GALNT7: variants seen among roughly 807,000 people sequenced by gnomAD.
The protein encoded by GALNT7 is N-acetylgalactosaminyltransferase 7.
In GALNT7, 60 loss-of-function variants were observed where a neutral mutation model predicts 82.1. The ratio of observed to expected loss-of-function variants is 0.73; its 90% confidence interval spans 0.59 to 0.91. The LOEUF (loss-of-function observed/expected upper bound fraction) is 0.91, where lower values mean the gene tolerates loss of function less well. Ranked by LOEUF, GALNT7 falls within the 40% of genes least tolerant of loss-of-function variation. GALNT7 has a pLI of 0.00. For synonymous variants in GALNT7, 243 were observed against 275.1 expected (o/e 0.88, Z 1.15); for missense variants, 660 against 804.2 (o/e 0.82, Z 2.17).
At chr4:173,174,219 A>T (rs557751876) in intron 1 of GALNT7, among the ~76,000 whole-genome samples, 82 of 152,248 alleles carry the variant, frequency 5.4e-4, no homozygotes, top group African/African-American at 1.8e-3. Context: ...TCTGGGGTTT[A>T]TAGACTTCCT....
rs1453954830 is a variant in GALNT7 at position 173,298,107 on chromosome 4, C to T, written c.966-8C>T. 1.9e-6 allele frequency: 3 copies of T among 1,613,344 alleles called. No individual in the cohort carries two copies. Among genetic ancestry groups the T allele is most frequent in the Non-Finnish European group, 2.5e-6 (3 of 1,179,688 alleles). ...CATTTGATCTTTGCTGCCATCAACA[C>T]AATACAGAACCATTTGCACTGTGCC... On this transcript the variant is annotated splice_polypyrimidine_tract_variant and splice_region_variant and intron_variant, in intron 5 of 11. Coordinates refer to ENST00000265000, the MANE Select transcript of GALNT7 (RefSeq NM_017423.3).
At chr4:173,267,575 G>C (rs1735549895) in intron 2 of GALNT7, among the ~76,000 whole-genome samples, 1 of 152,130 alleles carries the variant, frequency 6.6e-6, no homozygotes, top group African/African-American at 2.4e-5. Context: ...AGGACCAGGG[G>C]CCCCTTTGCA....
intron 2 of GALNT7, among the ~76,000 whole-genome samples, chr4:173,256,848 C>A (rs1735056910): frequency 6.6e-6 from 1 of 152,024 alleles, no homozygotes; most frequent in African/African-American, 2.4e-5. Flanking sequence ...GTAAACCAAG[C>A]ATAAACCAAC....
intron 8 of GALNT7, among the ~76,000 whole-genome samples, chr4:173,305,486 C>G (rs748640337): frequency 3.3e-5 from 5 of 152,076 alleles, no homozygotes; most frequent in Non-Finnish European, 5.9e-5. Context: ...GGGGTTGTTA[C>G]ATCCAAAACC....
chr4:173,186,392 A>G (rs772674204), intron 1 of GALNT7, among the ~76,000 whole-genome samples: 1 of 152,188 alleles, frequency 6.6e-6, no homozygotes, highest in Non-Finnish European at 1.5e-5. Flanking sequence ...TCGCTGAGTG[A>G]TTTACTTTCT....
intron 2 of GALNT7, among the ~76,000 whole-genome samples, chr4:173,263,204 G>A (rs977661618): frequency 3.3e-5 from 5 of 152,166 alleles, no homozygotes; most frequent in Admixed American, 1.3e-4. Context: ...TGAAAAAGCC[G>A]CTGCTATAGA....
chr4:173,265,372 C>G (rs1735444999), intron 2 of GALNT7, among the ~76,000 whole-genome samples: 1 of 152,100 alleles, frequency 6.6e-6, no homozygotes, highest in South Asian at 2.1e-4. Flanking sequence ...CATGGTCTTT[C>G]CCCATATCTC....
intron 2 of GALNT7, among the ~76,000 whole-genome samples, chr4:173,291,162 C>T (rs17059272): frequency 0.034 from 5,156 of 152,250 alleles, 173 homozygotes; most frequent in African/African-American, 0.085. Context: ...GTCTTTCTCA[C>T]CCAGTTCTGC....
rs1431759489 is a variant in GALNT7, at chr4:173,302,120, G to C, written c.1222G>C (p.Gly408Arg). The C allele has an allele frequency of 6.3e-7, 1 of 1,588,704 alleles. No homozygotes were observed. The highest frequency in any genetic ancestry group is 1.3e-5 in the African/African-American group (1 of 74,388). ...CTTTGAATTGGGTCTCTATGATCCAGGTCTCCAGATTTGGGGTGGTGAAAA... is the reference window on the plus strand; with the variant it reads ...CTTTGAATTGGGTCTCTATGATCCACGTCTCCAGATTTGGGGTGGTGAAAA... ...FFFELGLYDP[G>R]LQIWGGENFE... The change falls in exon 7 of 12, where the codon GGT becomes CGT. Residue 408 changes from glycine to arginine, a missense_variant. By Grantham distance (125) the Gly-to-Arg change is moderately radical. This residue lies in a region of GALNT7 where 527 missense variants were observed against 683.5 expected (regional missense o/e 0.77). Transcript: ENST00000265000. This position sits in a 1 kb window ranked among gnomAD's most constrained non-coding sequence, Gnocchi z 4.2.
At chr4:173,186,814 A>T (rs1041256605) in intron 1 of GALNT7, among the ~76,000 whole-genome samples, 3 of 151,526 alleles carry the variant, frequency 2.0e-5, no homozygotes, top group Non-Finnish European at 4.4e-5. Context: ...TTGCTCTGTC[A>T]CCAGGCTGGA....
At chr4:173,294,251 G>A (rs1216005290) in intron 3 of GALNT7, among the ~76,000 whole-genome samples, 1 of 149,906 alleles carries the variant, frequency 6.7e-6, no homozygotes, top group Non-Finnish European at 1.5e-5. Flanking sequence ...GACTGCACTG[G>A]ACTTTAAAAA....
At chr4:173,190,833 A>G (rs1465574508) in intron 1 of GALNT7, among the ~76,000 whole-genome samples, 3 of 152,202 alleles carry the variant, frequency 2.0e-5, no homozygotes, top group African/African-American at 4.8e-5. Context: ...GCCAACTGGA[A>G]TAATCCCTAC....
chr4:173,256,560 T>G (rs1008976041), intron 2 of GALNT7, among the ~76,000 whole-genome samples: 5 of 136,366 alleles, frequency 3.7e-5, no homozygotes, highest in Non-Finnish European at 7.9e-5. Context: ...CCTCCCTCCC[T>G]TCCTTCCTTC....
rs145598236 is a variant in GALNT7, at chr4:173,253,922, A to G, written c.587+5482A>G. 5.3e-5 allele frequency among the ~76,000 whole-genome samples: 8 copies of G among 152,340 alleles called. No homozygotes were observed. In the East Asian group the frequency reaches 1.5e-3, roughly 29 times the overall value. On this transcript the variant is annotated intron_variant, in intron 2 of 11. Coordinates refer to ENST00000265000, the MANE Select transcript of GALNT7 (RefSeq NM_017423.3). Reference sequence around the variant, plus strand: ...CCTTTTACTGTGAACTGCTGATGCAAACACTTGGAAATATTCTTACCCTTT... The same window carrying G: ...CCTTTTACTGTGAACTGCTGATGCAGACACTTGGAAATATTCTTACCCTTT...
Position 173,231,876 on chromosome 4 carries a change from A to G in GALNT7, c.127-16104A>G, listed in dbSNP as rs192076019. 4.9e-4 allele frequency among the ~76,000 whole-genome samples: 75 copies of G among 152,356 alleles called. No individual in the cohort carries two copies. The East Asian group carries it at 0.013, about 26-fold the overall frequency. On this transcript the variant is annotated intron_variant, in intron 1 of 11. Coordinates refer to ENST00000265000, the MANE Select transcript of GALNT7 (RefSeq NM_017423.3). ...GAAGCTCTTCCTGTGCAAAAGGAGC[A>G]AAATACTAAGACTCTCCTCAATTAG...
chr4:173,216,966 G>A (rs1189027686), intron 1 of GALNT7, among the ~76,000 whole-genome samples: 1 of 151,066 alleles, frequency 6.6e-6, no homozygotes. Context: ...CCTGACCTCG[G>A]GTGATCCGCC....
In GALNT7 at chr4:173,295,311, C is replaced by A. The variant is rs941627766; in HGVS notation, c.755-85C>A. 1.1e-5 allele frequency: 10 copies of A among 908,940 alleles called. No individual in the cohort carries two copies. In the Admixed American group the frequency reaches 1.3e-4, roughly 12 times the overall value. The allele number at this position is 908,940 out of a possible 1,614,324, so 56.3% of individuals were successfully genotyped here. ...GTAAAATTACTGTCTACCCAATGCA[C>A]CTGTATTCTTGTTTCCTGAGAAAAA... On this transcript the variant is annotated intron_variant, in intron 3 of 11. Coordinates refer to ENST00000265000, the MANE Select transcript of GALNT7 (RefSeq NM_017423.3).
chr4:173,235,104 T>C (rs1426210556), intron 1 of GALNT7, among the ~76,000 whole-genome samples: 2 of 152,220 alleles, frequency 1.3e-5, no homozygotes, highest in African/African-American at 4.8e-5. Context: ...CTTTTTTTCT[T>C]CCACCACCAA....
At chr4:173,180,395 T>A (rs1279659213) in intron 1 of GALNT7, among the ~76,000 whole-genome samples, 1 of 145,096 alleles carries the variant, frequency 6.9e-6, no homozygotes, top group Non-Finnish European at 1.5e-5. Context: ...TGGCACAATC[T>A]CGACTCACTG....
Sources: gnomAD v4.1 joint callset for allele counts (sites outside exome capture counted in the v4.1 genomes callset) on GRCh38, gnomAD v4.1.1 for gene constraint, gnomAD v4.1.1 regional missense constraint, Gnocchi (gnomAD v3.1) non-coding constraint, MANE v1.5 for transcripts, NCBI Gene and HGNC (gene_info 2026-07-23, HGNC 2026-07-21) for gene names.